ARPP21: variants seen among roughly 807,000 people sequenced by gnomAD.
The protein encoded by ARPP21 is cAMP regulated phosphoprotein 21.
Under a neutral mutation model 113.2 loss-of-function variants are expected in ARPP21, and 69 were observed. The observed-to-expected ratio is 0.61, with a 90% CI of 0.50 to 0.74. ARPP21 has a LOEUF of 0.74. Among genes scored for constraint, ARPP21 ranks in the 30% least tolerant of loss-of-function variants. The pLI, the probability that ARPP21 is intolerant of heterozygous loss-of-function variation, is 0.00. For missense variants in ARPP21, 1,070 were observed against 1,037.4 expected, an observed-to-expected ratio of 1.03 and a Z score of -0.43; for synonymous variants, 368 against 375.5, an observed-to-expected ratio of 0.98 and a Z score of 0.23.
At chr3:35,769,782 A>G (rs1272028238) in intron 19 of ARPP21, among the ~76,000 whole-genome samples, 1 of 152,194 alleles carries the variant, frequency 6.6e-6, no homozygotes, top group Non-Finnish European at 1.5e-5. Context: ...AAAAGAACAC[A>G]TTCCCGTAAC....
intron 1 of ARPP21, among the ~76,000 whole-genome samples, chr3:35,669,577 C>A (rs898205012): frequency 6.6e-6 from 1 of 152,124 alleles, no homozygotes; most frequent in Non-Finnish European, 1.5e-5. Flanking sequence ...GATTTTCAGC[C>A]TCCATTTCAG....
intron 1 of ARPP21, among the ~76,000 whole-genome samples, chr3:35,645,321 A>G (rs1424675346): frequency 1.3e-5 from 2 of 151,880 alleles, no homozygotes; most frequent in African/African-American, 4.8e-5. Context: ...CCTTCTGTAA[A>G]CATTGGTTTT....
chr3:35,748,299 GAAGA>G (rs200766932), intron 19 of ARPP21, among the ~76,000 whole-genome samples: 5,064 of 116,872 alleles, frequency 0.043, 172 homozygotes, highest in South Asian at 0.12. Flanking sequence ...AGGAAGGAAG[GAAGA>G]AAGAAAGAAA....
intron 5 of ARPP21, chr3:35,685,292 T>C (rs1307145735): frequency 1.0e-6 from 1 of 985,202 alleles, no homozygotes; most frequent in African/African-American, 1.7e-5. Context: ...TGGTGCTTTG[T>C]TCCTGCTGGT....
chr3:35,731,300 G>A (rs925853103), intron 15 of ARPP21, among the ~76,000 whole-genome samples: 1 of 152,098 alleles, frequency 6.6e-6, no homozygotes, highest in South Asian at 2.1e-4. Context: ...ACAGAATGTT[G>A]TTTGATGCCA....
chr3:35,646,164 G>A (rs1275433314), intron 1 of ARPP21, among the ~76,000 whole-genome samples: 3 of 151,974 alleles, frequency 2.0e-5, no homozygotes, highest in Non-Finnish European at 2.9e-5. Context: ...TCAACTCACC[G>A]AAATTCAATG....
In ARPP21 at chr3:35,672,423, T is replaced by C. The variant is rs2076558058; in HGVS notation, c.-212-7364T>C. ...CCTTCTAGTGGCTGTTGGTTTAGTT[T>C]AAGAAAAAACTTTATTGCCACATTA... On this transcript the variant is annotated intron_variant, in intron 1 of 20. Coordinates refer to ENST00000684406, the MANE Select transcript of ARPP21 (RefSeq NM_001385562.1). Among the ~76,000 whole-genome samples the C allele has an allele frequency of 3.3e-5, 5 of 152,190 alleles. No homozygotes were observed. The South Asian group carries it at 8.3e-4, about 25-fold the overall frequency.
chr3:35,690,739 G>A (rs1003794255), intron 8 of ARPP21, 126 bp from the exon 9 acceptor site: 4 of 842,180 alleles, frequency 4.7e-6, no homozygotes, highest in Non-Finnish European at 3.5e-6. Flanking sequence ...ATTAAGTGAT[G>A]CCAGAAATGC....
chr3:35,765,582 C>T (rs1440420494), intron 19 of ARPP21, among the ~76,000 whole-genome samples: 2 of 152,058 alleles, frequency 1.3e-5, no homozygotes, highest in Non-Finnish European at 2.9e-5. Flanking sequence ...CAAAACTCCA[C>T]CATTCCAAAC....
chr3:35,780,586 A>T (rs1319664870), intron 19 of ARPP21, among the ~76,000 whole-genome samples: 1 of 152,146 alleles, frequency 6.6e-6, no homozygotes, highest in Non-Finnish European at 1.5e-5. Flanking sequence ...GGGAAAAAAA[A>T]TAATGAGTGG....
chr3:35,694,342 AT>A (rs2083160330), intron 9 of ARPP21, among the ~76,000 whole-genome samples: 1 of 151,506 alleles, frequency 6.6e-6, no homozygotes, highest in Admixed American at 6.6e-5. Context: ...TTGTCTCAGG[AT>A]ATACTTCTGT....
chr3:35,729,158 GA>G, intron 14 of ARPP21, 144 bp from the exon 15 acceptor site: 1 of 590,278 alleles, frequency 1.7e-6, no homozygotes, highest in South Asian at 2.2e-5. Flanking sequence ...CAAAATATGA[GA>G]GGGGCATTAG....
At chr3:35,747,708 T>C (rs1041224332) in intron 19 of ARPP21, among the ~76,000 whole-genome samples, 1 of 152,070 alleles carries the variant, frequency 6.6e-6, no homozygotes, top group South Asian at 2.1e-4. Flanking sequence ...ATAAAGAACT[T>C]ATGTCTCCCT....
chr3:35,785,411 G>GAAT (rs2096609649), intron 19 of ARPP21, among the ~76,000 whole-genome samples: 1 of 152,128 alleles, frequency 6.6e-6, no homozygotes, highest in Admixed American at 6.6e-5. Flanking sequence ...ATTTAAAATG[G>GAAT]AATTCAATGC....
At chr3:35,754,271 G>A (rs1289888732) in intron 19 of ARPP21, among the ~76,000 whole-genome samples, 2 of 151,782 alleles carry the variant, frequency 1.3e-5, no homozygotes, top group Non-Finnish European at 2.9e-5. Flanking sequence ...TTTTATTTGA[G>A]GAAATAGGTG....
chr3:35,685,868 AAC>A (rs1357446458), intron 5 of ARPP21: 1 of 711,914 alleles, frequency 1.4e-6, no homozygotes, highest in Non-Finnish European at 1.7e-6. Context: ...ATTAAAAAAT[AAC>A]AGATTGTTTT....
intron 1 of ARPP21, among the ~76,000 whole-genome samples, chr3:35,673,602 C>T (rs2076849575): frequency 6.6e-6 from 1 of 151,890 alleles, no homozygotes; most frequent in South Asian, 2.1e-4. Context: ...CTTATTTTCC[C>T]TAATGTATAT....
At chr3:35,649,873 A>G (rs1701723414) in intron 1 of ARPP21, among the ~76,000 whole-genome samples, 2 of 152,270 alleles carry the variant, frequency 1.3e-5, no homozygotes, top group South Asian at 4.1e-4. Context: ...CCCGATCTAT[A>G]AAAATAATCT....
At chr3:35,649,706 C>T (rs1047820023) in intron 1 of ARPP21, among the ~76,000 whole-genome samples, 7 of 152,094 alleles carry the variant, frequency 4.6e-5, no homozygotes, top group African/African-American at 1.4e-4. Flanking sequence ...AAATTCAAGA[C>T]TTTCAGACCC....
Sources: allele counts gnomAD v4.1 joint callset (sites outside exome capture counted in the v4.1 genomes callset), GRCh38; gene constraint gnomAD v4.1.1; transcripts MANE v1.5; gene names NCBI Gene and HGNC (gene_info 2026-07-23, HGNC 2026-07-21).